Variants in GALNT18 observed in about 807,000 individuals in gnomAD.
The protein encoded by GALNT18 is polypeptide N-acetylgalactosaminyltransferase 18, also known as GalNAc-transferase 18.
GALNT18 carries 44 observed loss-of-function variants against 69.5 expected under a neutral mutation model. That is an observed-to-expected ratio of 0.63 (90% confidence interval 0.50 to 0.81). The LOEUF is 0.81. Ranked by LOEUF, GALNT18 falls within the 40% of genes least tolerant of loss-of-function variation. The pLI, the probability that GALNT18 is intolerant of heterozygous loss-of-function variation, is 0.00. For missense variants in GALNT18, 715 were observed against 810.0 expected, an observed-to-expected ratio of 0.88 and a Z score of 1.42; for synonymous variants, 364 against 318.2, an observed-to-expected ratio of 1.14 and a Z score of -1.53.
rs140312593 is a variant in GALNT18 at position 11,288,324 on chromosome 11, C to T, written c.1677+4705G>A. Among the ~76,000 whole-genome samples, 12 of 152,280 alleles carry T rather than the reference C, an allele frequency of 7.9e-5. No individual in the cohort carries two copies. In the East Asian group the frequency reaches 2.3e-3, roughly 29 times the overall value. On this transcript the variant is annotated intron_variant, in intron 10 of 10. Coordinates refer to ENST00000227756, the MANE Select transcript of GALNT18 (RefSeq NM_198516.3). ...TAAAATATGCTCAGCTATTTCATGC[C>T]TTTGCCCAAGTGAGCCTCTACTTGG... is the stretch of plus-strand genomic sequence containing the variant.
chr11:11,526,635 G>A (rs10831632), intron 1 of GALNT18, among the ~76,000 whole-genome samples: 35,593 of 152,038 alleles, frequency 0.23, 4,650 homozygotes, highest in Non-Finnish European at 0.27. Context: ...CAGGCTACAC[G>A]TCCATCAGGA....
chr11:11,405,489 C>A (rs1421860644), intron 3 of GALNT18, among the ~76,000 whole-genome samples: 1 of 152,084 alleles, frequency 6.6e-6, no homozygotes, highest in Non-Finnish European at 1.5e-5. Context: ...GAGGAGGGTA[C>A]TTGTGCACAT....
At chr11:11,306,853 T>A (rs1849586278) in intron 9 of GALNT18, among the ~76,000 whole-genome samples, 1 of 152,208 alleles carries the variant, frequency 6.6e-6, no homozygotes, top group South Asian at 2.1e-4. Context: ...GTCTGGGCTG[T>A]GCTGTGTCTT....
intron 3 of GALNT18, among the ~76,000 whole-genome samples, chr11:11,394,523 T>G (rs916728209): frequency 6.6e-6 from 1 of 152,202 alleles, no homozygotes; most frequent in Admixed American, 6.5e-5. Context: ...CAGGAAGAAC[T>G]TTTCATCAAT....
chr11:11,297,124 G>A (rs537241970), intron 9 of GALNT18, among the ~76,000 whole-genome samples: 7 of 152,248 alleles, frequency 4.6e-5, no homozygotes, highest in Admixed American at 1.3e-4. Flanking sequence ...GGGGTGGTAG[G>A]AGGTGTCTAG....
In GALNT18 at chr11:11,389,571, T is replaced by C. The variant is rs1442602174; in HGVS notation, c.596-10307A>G. On this transcript the variant is annotated intron_variant, in intron 3 of 10. Coordinates refer to ENST00000227756, the MANE Select transcript of GALNT18 (RefSeq NM_198516.3). The surrounding 1 kb of genome is among the most constrained non-coding windows in gnomAD (Gnocchi z 4.3). ...GGGTATGCAGCAGGAATCACAGGAC[T>C]TACTAAAAATGCCATGATAGGTGAC... 6.6e-6 allele frequency among the ~76,000 whole-genome samples: 1 copy of C among 152,176 alleles called. No individual in the cohort carries two copies. Among genetic ancestry groups the C allele is most frequent in the Non-Finnish European group, 1.5e-5 (1 of 68,044 alleles).
At chr11:11,527,663 C>T (rs2133937378) in intron 1 of GALNT18, among the ~76,000 whole-genome samples, 1 of 152,202 alleles carries the variant, frequency 6.6e-6, no homozygotes, top group Admixed American at 6.5e-5. Flanking sequence ...ATTTATAAAG[C>T]CAGATTTTAT....
At chr11:11,284,167 G>C (rs1427229463) in intron 10 of GALNT18, among the ~76,000 whole-genome samples, 1 of 152,200 alleles carries the variant, frequency 6.6e-6, no homozygotes, top group Admixed American at 6.5e-5. Flanking sequence ...TGGGGCGTGT[G>C]GAAGCCACAG....
chr11:11,564,107 A>G lies in GALNT18; in HGVS notation c.235+57252T>C, dbSNP rs1273779707. Reference sequence around the variant, plus strand: ...CCCAGTGAGTTACGTACTGATCTTAACCCCATTTTACAGTTGAAGGAACTT... The same window carrying G: ...CCCAGTGAGTTACGTACTGATCTTAGCCCCATTTTACAGTTGAAGGAACTT... On this transcript the variant is annotated intron_variant, in intron 1 of 10. Coordinates refer to ENST00000227756, the MANE Select transcript of GALNT18 (RefSeq NM_198516.3). The surrounding 1 kb of genome is among the most constrained non-coding windows in gnomAD (Gnocchi z 4.3). 6.6e-6 allele frequency among the ~76,000 whole-genome samples: 1 copy of G among 152,144 alleles called. No individual in the cohort carries two copies. The highest frequency in any genetic ancestry group is 1.9e-4 in the East Asian group (1 of 5,198).
Position 11,320,759 on chromosome 11 carries a change from G to A in GALNT18, c.1512+6327C>T, listed in dbSNP as rs12788664. 0.038 allele frequency among the ~76,000 whole-genome samples: 5,773 copies of A among 152,218 alleles called. 183 individuals carry two copies. Among genetic ancestry groups the A allele is most frequent in the Non-Finnish European group, 0.057 (3,903 of 67,984 alleles). On this transcript the variant is annotated intron_variant, in intron 9 of 10. Coordinates refer to ENST00000227756, the MANE Select transcript of GALNT18 (RefSeq NM_198516.3). The surrounding 1 kb of genome is among the most constrained non-coding windows in gnomAD (Gnocchi z 4.9). ...TAGGAGCTCAGGCTGGGAATACCCA[G>A]CCCGTCCCCAGGATAACCTTGTCCT...
intron 6 of GALNT18, among the ~76,000 whole-genome samples, chr11:11,367,592 G>A (rs546577568): frequency 5.9e-4 from 90 of 152,240 alleles, no homozygotes; most frequent in Non-Finnish European, 1.1e-3. Context: ...TGGACACCAC[G>A]GTGGGGCACT....
intron 10 of GALNT18, 108 bp downstream of exon 10, chr11:11,292,921 T>C (rs1348118813): frequency 2.9e-6 from 3 of 1,032,508 alleles, no homozygotes; most frequent in Non-Finnish European, 3.9e-6. Flanking sequence ...ACTGCCAGTC[T>C]GTCTCTCCTT....
chr11:11,512,859 TC>T (rs1857191537), intron 1 of GALNT18, among the ~76,000 whole-genome samples: 1 of 152,166 alleles, frequency 6.6e-6, no homozygotes, highest in Non-Finnish European at 1.5e-5. Flanking sequence ...CTCGACAAAG[TC>T]CCATAATGAC....
intron 1 of GALNT18, among the ~76,000 whole-genome samples, chr11:11,522,490 T>C (rs10831627): frequency 0.99 from 150,795 of 152,254 alleles, 74,693 homozygotes; most frequent in Middle Eastern, 1. Flanking sequence ...AGACAAGAGA[T>C]GAAGAATCAT....
At chr11:11,485,080 T>C (rs1051697886) in intron 1 of GALNT18, among the ~76,000 whole-genome samples, 1 of 152,146 alleles carries the variant, frequency 6.6e-6, no homozygotes, top group African/African-American at 2.4e-5. Context: ...CAGAAGACAA[T>C]GTAGGGACAA....
chr11:11,293,335 G>A (rs1849338817), intron 9 of GALNT18, 142 bp from the exon 10 acceptor site: 2 of 509,870 alleles, frequency 3.9e-6, no homozygotes, highest in African/African-American at 2.0e-5. Context: ...GTGGCCTTCA[G>A]ATTATTTTCT....
At chr11:11,291,511 A>G (rs1195042689) in intron 10 of GALNT18, among the ~76,000 whole-genome samples, 2 of 150,500 alleles carry the variant, frequency 1.3e-5, no homozygotes, top group Non-Finnish European at 2.9e-5. Context: ...TGTTATTCCT[A>G]TTGGGATAGA....
intron 6 of GALNT18, among the ~76,000 whole-genome samples, chr11:11,366,991 C>T (rs1850787305): frequency 6.6e-6 from 1 of 152,164 alleles, no homozygotes; most frequent in Non-Finnish European, 1.5e-5. Flanking sequence ...CATATTTCTG[C>T]TTTAATAAGC....
chr11:11,465,677 C>T lies in GALNT18; in HGVS notation c.236-16741G>A, dbSNP rs1231166286. Among the ~76,000 whole-genome samples the T allele has an allele frequency of 6.6e-6, 1 of 152,142 alleles. No individual in the cohort carries two copies. The highest frequency in any genetic ancestry group is 2.4e-5 in the African/African-American group (1 of 41,426). On this transcript the variant is annotated intron_variant, in intron 1 of 10. Transcript: ENST00000227756. The surrounding 1 kb of genome is among the most constrained non-coding windows in gnomAD (Gnocchi z 5.7). ...CAGACCACTTCATACACTTGCTTCA[C>T]CCACCTGTATAAGACATACCACGGT... is the stretch of plus-strand genomic sequence containing the variant.
Sources: gnomAD v4.1 joint callset for allele counts (sites outside exome capture counted in the v4.1 genomes callset) on GRCh38, gnomAD v4.1.1 for gene constraint, Gnocchi (gnomAD v3.1) non-coding constraint, MANE v1.5 for transcripts, NCBI Gene and HGNC (gene_info 2026-07-23, HGNC 2026-07-21) for gene names.